MAPK14: variants seen among roughly 807,000 people sequenced by gnomAD.
MAPK14 encodes the protein CSAID-binding protein.
A neutral mutation model predicts 49.6 loss-of-function variants in MAPK14; 16 were observed. The observed-to-expected ratio is 0.32, with a 90% CI of 0.22 to 0.49. The LOEUF (loss-of-function observed/expected upper bound fraction) is 0.49. Ranked by LOEUF, MAPK14 falls within the 20% of genes least tolerant of loss-of-function variation. MAPK14 has a pLI of 0.99. For missense variants in MAPK14, 200 were observed against 441.2 expected (o/e 0.45, Z 4.90); for synonymous variants, 142 against 158.0 (o/e 0.90, Z 0.76).
intron 2 of MAPK14, 133 bp downstream of exon 2, chr6:36,052,961 T>C (rs1232802760): frequency 1.8e-6 from 1 of 548,932 alleles, no homozygotes; most frequent in African/African-American, 2.0e-5. Flanking sequence ...GGGGTGTTAG[T>C]GGCCACTTGG....
At chr6:36,077,203 G>A (rs142931171) in intron 8 of MAPK14, among the ~76,000 whole-genome samples, 4 of 152,154 alleles carry the variant, frequency 2.6e-5, no homozygotes, top group Admixed American at 6.5e-5. Context: ...TCTAGTTTAT[G>A]GTTTATTATA....
rs576947380 is a variant in MAPK14 at position 36,090,527 on chromosome 6, C to CTTT, written c.683-5447_683-5445dup. The stretch of plus-strand genomic sequence containing the variant: ...CCTGCCAAATATTCTCCCTCTCTCT[C>CTTT]TTTTTTTTTTTTTTTGGAGACAGAG... On this transcript the variant is annotated intron_variant, in intron 8 of 11. Coordinates refer to ENST00000229794, the MANE Select transcript of MAPK14 (RefSeq NM_139012.3). Among the ~76,000 whole-genome samples the CTTT allele has an allele frequency of 1.9e-4, 26 of 136,342 alleles. 1 individual carries two copies. Among genetic ancestry groups the CTTT allele is most frequent in the Non-Finnish European group, 3.0e-4 (19 of 63,314 alleles). The allele number at this position is 136,342 out of a possible 152,430, so 89.4% of individuals were successfully genotyped here. A position where few individuals can be genotyped will look rare whatever the true frequency, so the allele number is the denominator to read the frequency against.
intron 2 of MAPK14, 131 bp from the exon 3 acceptor site, chr6:36,059,158 G>A: frequency 5.6e-6 from 3 of 532,852 alleles, no homozygotes; most frequent in Non-Finnish European, 9.6e-6. Flanking sequence ...CCAAAGTGTT[G>A]GGATTACAGG....
At chr6:36,119,000 T>C in the MAPK14 span, among the ~76,000 whole-genome samples, 1 of 152,228 alleles carries the variant, frequency 6.6e-6, no homozygotes, top group Non-Finnish European at 1.5e-5. Context: ...TATTATTCTT[T>C]CATGACACAA....
chr6:36,076,554 G>C lies in MAPK14; in HGVS notation c.628G>C (p.Gly210Arg), dbSNP rs1359839823. 6.2e-7 allele frequency: 1 copy of C among 1,613,388 alleles called. No homozygotes were observed. The highest frequency in any genetic ancestry group is 8.5e-7 in the Non-Finnish European group (1 of 1,179,518). Residue 210 changes from glycine to arginine, a missense_variant, in exon 8 of 12, where the codon GGA (glycine) becomes CGA (arginine). Physicochemically the swap from Gly to Arg is moderately radical, Grantham distance 125. Transcript: ENST00000229794. ...YNQTVDIWSV[G>R]CIMAELLTGR... The stretch of plus-strand genomic sequence containing the variant: ...TTTGCCAGTTGATATTTGGTCAGTG[G>C]GATGCATAATGGCCGAGCTGTTGAC...
At chr6:36,055,092 C>G (rs1052924479) in intron 2 of MAPK14, among the ~76,000 whole-genome samples, 3 of 152,212 alleles carry the variant, frequency 2.0e-5, no homozygotes, top group Non-Finnish European at 4.4e-5. Context: ...GAGAGTTTCT[C>G]TCTGAACAAA....
At chr6:36,070,181 A>G (rs886357348) in intron 3 of MAPK14, among the ~76,000 whole-genome samples, 22 of 152,244 alleles carry the variant, frequency 1.4e-4, no homozygotes, top group African/African-American at 5.3e-4. Context: ...TTATTCAGAC[A>G]TATTGCTTCC....
rs1280594939 is a variant in MAPK14, at chr6:36,108,565, G to T, written c.*118G>T. ...GCAGAGATTTCCTCCATGGTGGAAG[G>T]GGGTGTGCGTGCGTGTGCGTGCGTG... is the stretch of plus-strand genomic sequence containing the variant. On this transcript the variant is annotated 3_prime_UTR_variant, in exon 12 of 12. Coordinates refer to ENST00000229794, the MANE Select transcript of MAPK14 (RefSeq NM_139012.3). 9.7e-6 allele frequency: 8 copies of T among 826,568 alleles called. No homozygotes were observed. The African/African-American group carries it at 1.2e-4, about 12-fold the overall frequency. 51.2% of individuals were successfully genotyped at this position (826,568 alleles called of 1,614,324 possible).
chr6:36,107,438 G>C lies in MAPK14; in HGVS notation c.842-17G>C. 1 of 1,484,104 alleles carries C rather than the reference G, an allele frequency of 6.7e-7. No homozygotes were observed. The highest frequency in any genetic ancestry group is 9.0e-7 in the Non-Finnish European group (1 of 1,111,936). The allele number at this position is 1,484,104 out of a possible 1,614,324, so 91.9% of individuals were successfully genotyped here. ...CATGTTAAAAACTCTTTTCCTTCCT[G>C]TCTATGGTACTGATAGCTGTCGACT... On this transcript the variant is annotated splice_polypyrimidine_tract_variant and intron_variant, in intron 10 of 11. Coordinates refer to ENST00000229794, the MANE Select transcript of MAPK14 (RefSeq NM_139012.3). The surrounding 1 kb of genome is among the most constrained non-coding windows in gnomAD (Gnocchi z 4.3).
At chr6:36,104,992 C>T (rs939162730) in intron 10 of MAPK14, among the ~76,000 whole-genome samples, 4 of 152,158 alleles carry the variant, frequency 2.6e-5, no homozygotes, top group Non-Finnish European at 5.9e-5. Flanking sequence ...TACTTCTCAG[C>T]ATTTAAACGT....
intron 3 of MAPK14, among the ~76,000 whole-genome samples, chr6:36,068,855 T>G (rs959658998): frequency 1.2e-4 from 18 of 152,202 alleles, no homozygotes; most frequent in Admixed American, 7.2e-4. Context: ...TCCTTCTTGC[T>G]GTCACAGTAC....
At chr6:36,076,487 A>T in intron 7 of MAPK14, 50 bp from the exon 8 acceptor site, 1 of 1,348,584 alleles carries the variant, frequency 7.4e-7, no homozygotes, top group Non-Finnish European at 1.1e-6. Context: ...GTTGCCAAGA[A>T]TTGTAACAGT....
chr6:36,084,736 A>G (rs1174732400), intron 8 of MAPK14, among the ~76,000 whole-genome samples: 2 of 152,222 alleles, frequency 1.3e-5, no homozygotes, highest in Admixed American at 6.5e-5. Context: ...AATGGAAACA[A>G]GTTGGAAAAC....
At chr6:36,108,173 A>G (rs1046424858) in intron 11 of MAPK14, among the ~76,000 whole-genome samples, 4 of 152,226 alleles carry the variant, frequency 2.6e-5, no homozygotes, top group Non-Finnish European at 5.9e-5. Flanking sequence ...GATGAAAAAC[A>G]TGAGAAAAAA....
At chr6:36,066,227 G>T (rs1312182505) in intron 3 of MAPK14, among the ~76,000 whole-genome samples, 1 of 152,064 alleles carries the variant, frequency 6.6e-6, no homozygotes, top group Non-Finnish European at 1.5e-5. Flanking sequence ...ATACAAAATT[G>T]CATCTCTCCC....
chr6:36,073,277 AG>A (rs1764381240), intron 4 of MAPK14, among the ~76,000 whole-genome samples: 2 of 152,260 alleles, frequency 1.3e-5, no homozygotes, highest in Admixed American at 1.3e-4. Flanking sequence ...CTGAAAGATA[AG>A]GACTCTTCAT....
chr6:36,068,557 T>C (rs577351030), intron 3 of MAPK14, among the ~76,000 whole-genome samples: 1 of 152,344 alleles, frequency 6.6e-6, no homozygotes, highest in East Asian at 1.9e-4. Flanking sequence ...GCACCCTGTT[T>C]AAATATGGAA....
chr6:36,045,861 A>AACCTCAGCTG (rs1401652408), intron 1 of MAPK14, among the ~76,000 whole-genome samples: 1 of 151,446 alleles, frequency 6.6e-6, no homozygotes, highest in African/African-American at 2.4e-5. Flanking sequence ...GATATATGCT[A>AACCTCAGCTG]ACCTCAGCTG....
rs1474899257 is a variant in MAPK14, at chr6:36,109,782, AAAATT to A, written c.*1339_*1343del. The A allele has an allele frequency of 8.5e-5, 13 of 152,670 alleles. No homozygotes were observed. The highest frequency in any genetic ancestry group is 8.5e-4 in the Admixed American group (13 of 15,288). 9.5% of individuals were successfully genotyped at this position (152,670 alleles called of 1,614,324 possible). Reference sequence around the variant, plus strand: ...TAAGAAATGCTGAAAATCAAAGTAAAAAATTAAAGCCCATAAGGCCAGAAACTCCT... The same window carrying A: ...TAAGAAATGCTGAAAATCAAAGTAAAAAAGCCCATAAGGCCAGAAACTCCT... On this transcript the variant is annotated 3_prime_UTR_variant, in exon 12 of 12. Coordinates refer to ENST00000229794, the MANE Select transcript of MAPK14 (RefSeq NM_139012.3).
Sources: gnomAD v4.1 joint callset for allele counts (sites outside exome capture counted in the v4.1 genomes callset) on GRCh38, gnomAD v4.1.1 for gene constraint, Gnocchi (gnomAD v3.1) non-coding constraint, MANE v1.5 for transcripts, NCBI Gene and HGNC (gene_info 2026-07-23, HGNC 2026-07-21) for gene names.